Variants in FGF13 observed in about 807,000 individuals in gnomAD.
FGF13 encodes the protein fibroblast growth factor homologous factor 2.
Under a neutral mutation model 19.5 loss-of-function variants are expected in FGF13, and 2 were observed. That is an observed-to-expected ratio of 0.10 (90% confidence interval 0.04 to 0.32). The LOEUF is 0.32. Ranked by LOEUF, FGF13 falls within the 10% of genes least tolerant of loss-of-function variation. The pLI is 1.00. For missense variants in FGF13, 113 were observed against 192.7 expected, an observed-to-expected ratio of 0.59 and a Z score of 2.45; for synonymous variants, 72 against 76.9, an observed-to-expected ratio of 0.94 and a Z score of 0.33.
chrX:138,994,252 C>T (rs925914087), intron 1 of FGF13, among the ~76,000 whole-genome samples: 1 of 111,313 alleles, frequency 9.0e-6, no homozygotes, highest in Non-Finnish European at 1.9e-5. Flanking sequence ...TTGCTGTATC[C>T]TCTGACAACA....
At chrX:138,774,571 C>T (rs2090573874) in intron 3 of FGF13, among the ~76,000 whole-genome samples, 1 of 111,651 alleles carries the variant, frequency 9.0e-6, no homozygotes, top group Non-Finnish European at 1.9e-5. Flanking sequence ...AACCATTATG[C>T]TTTCCTAGAC....
intron 1 of FGF13, among the ~76,000 whole-genome samples, chrX:139,155,692 G>C (rs980072075): frequency 8.9e-6 from 1 of 112,344 alleles, no homozygotes; most frequent in African/African-American, 3.2e-5. Context: ...CAGGAGACTA[G>C]CTCCAGCAGT....
At chrX:138,968,358 C>T (rs1218651174) in intron 1 of FGF13, among the ~76,000 whole-genome samples, 1 of 112,167 alleles carries the variant, frequency 8.9e-6, no homozygotes, top group African/African-American at 3.2e-5. Flanking sequence ...GGTCATAATA[C>T]AAAACTAGTT....
At chrX:138,923,699 T>C (rs189151894) in intron 1 of FGF13, among the ~76,000 whole-genome samples, 1 of 111,964 alleles carries the variant, frequency 8.9e-6, no homozygotes, top group African/African-American at 3.2e-5. Context: ...CTCCTCCTCT[T>C]TCACAAAGAT....
chrX:139,165,972 T>A (rs1307185930), intron 1 of FGF13, among the ~76,000 whole-genome samples: 1 of 112,071 alleles, frequency 8.9e-6, no homozygotes, highest in Non-Finnish European at 1.9e-5. Flanking sequence ...TACAGTCTCA[T>A]AGGAAGAAGG....
At chrX:139,034,539 A>C (rs1055567050) in intron 1 of FGF13, among the ~76,000 whole-genome samples, 1 of 111,266 alleles carries the variant, frequency 9.0e-6, no homozygotes, top group South Asian at 3.8e-4. Context: ...AAGTTGAAAA[A>C]GTAAATAGGG....
chrX:138,992,359 T>C (rs2092020317), intron 1 of FGF13, among the ~76,000 whole-genome samples: 1 of 111,740 alleles, frequency 8.9e-6, no homozygotes, highest in African/African-American at 3.2e-5. Context: ...ATATTTTATG[T>C]ATTTAGTTAT....
intron 1 of FGF13, among the ~76,000 whole-genome samples, chrX:138,962,235 C>G (rs775336291): frequency 2.7e-5 from 3 of 112,318 alleles, no homozygotes; most frequent in East Asian, 5.6e-4. Context: ...CCAACAGACA[C>G]ATGAAAAAAT....
intron 1 of FGF13, among the ~76,000 whole-genome samples, chrX:138,884,720 C>T (rs1397317572): frequency 1.8e-5 from 2 of 111,967 alleles, no homozygotes; most frequent in Admixed American, 1.9e-4. Flanking sequence ...ACAAATACTA[C>T]ATTCACACAC....
intron 3 of FGF13, among the ~76,000 whole-genome samples, chrX:138,768,755 A>ATATATATATATATATATATAT: frequency 1.9e-5 from 2 of 102,676 alleles, no homozygotes; most frequent in Admixed American, 1.1e-4. Flanking sequence ...ATATATATAT[A>ATATATATATATATATATATAT]ATTTCACAAG....
intron 1 of FGF13, among the ~76,000 whole-genome samples, chrX:139,196,297 A>G (rs1369303202): frequency 8.9e-6 from 1 of 112,194 alleles, no homozygotes; most frequent in African/African-American, 3.2e-5. Context: ...TTTTAAACCA[A>G]TATGAAAGCC....
chrX:138,789,682 C>T (rs1393715664), intron 3 of FGF13, among the ~76,000 whole-genome samples: 1 of 110,414 alleles, frequency 9.1e-6, no homozygotes, highest in Non-Finnish European at 1.9e-5. Flanking sequence ...TCAGAACCCA[C>T]CTCTTAGTAC....
Position 139,026,068 on chromosome X carries a change from G to A in FGF13, c.-112-161418C>T, listed in dbSNP as rs950892980. On this transcript the variant is annotated intron_variant, in intron 1 of 2. Transcript: ENST00000421460. Reference sequence around the variant, plus strand: ...ACTTGACATGTGTATGCTTAATGTGGCTCATTATATTCCAATTCCCATTGC... The same window carrying A: ...ACTTGACATGTGTATGCTTAATGTGACTCATTATATTCCAATTCCCATTGC... 5.4e-5 allele frequency among the ~76,000 whole-genome samples: 6 copies of A among 110,827 alleles called. No homozygotes were observed. In the Admixed American group the frequency reaches 5.8e-4, roughly 11 times the overall value.
chrX:138,902,227 G>A (rs2091534795), intron 1 of FGF13, among the ~76,000 whole-genome samples: 1 of 112,359 alleles, frequency 8.9e-6, no homozygotes, highest in South Asian at 3.7e-4. Flanking sequence ...AAGGATGTCA[G>A]ATATTTCTGT....
chrX:138,899,251 G>A (rs2091519624), intron 1 of FGF13, among the ~76,000 whole-genome samples: 1 of 111,435 alleles, frequency 9.0e-6, no homozygotes, highest in Admixed American at 9.6e-5. Flanking sequence ...ACTGGCTATA[G>A]GCTAAGGTTG....
intron 3 of FGF13, among the ~76,000 whole-genome samples, chrX:138,772,260 G>C (rs764422014): frequency 2.7e-4 from 29 of 108,778 alleles, no homozygotes; most frequent in African/African-American, 9.0e-4. Flanking sequence ...AAATGTTCCA[G>C]AAATTAGACT....
intron 1 of FGF13, among the ~76,000 whole-genome samples, chrX:139,129,230 T>A (rs1354883719): frequency 1.8e-5 from 2 of 108,548 alleles, no homozygotes; most frequent in African/African-American, 3.3e-5. Flanking sequence ...AATAATATAA[T>A]GAAATATTTA....
At chrX:138,958,326 G>T (rs768034521) in intron 1 of FGF13, among the ~76,000 whole-genome samples, 1 of 111,810 alleles carries the variant, frequency 8.9e-6, no homozygotes, top group African/African-American at 3.2e-5. Flanking sequence ...GATGGACTAC[G>T]TTTATTGATT....
chrX:138,978,324 G>A (rs1042595893), intron 1 of FGF13, among the ~76,000 whole-genome samples: 7 of 93,893 alleles, frequency 7.5e-5, no homozygotes, highest in African/African-American at 2.9e-4. Context: ...GTGCAGTGGC[G>A]CGATCTCGGC....
Sources: gnomAD v4.1 joint callset for allele counts (sites outside exome capture counted in the v4.1 genomes callset) on GRCh38, gnomAD v4.1.1 for gene constraint, MANE v1.5 for transcripts, NCBI Gene and HGNC (gene_info 2026-07-23, HGNC 2026-07-21) for gene names.